The following TUBGCP2 variants were observed in gnomAD, a reference collection of about 807,000 sequenced individuals.
TUBGCP2 encodes gamma-tubulin complex component 2.
A neutral mutation model predicts 92.2 loss-of-function variants in TUBGCP2; 55 were observed. The ratio of observed to expected loss-of-function variants is 0.60; its 90% confidence interval spans 0.48 to 0.75. The LOEUF (loss-of-function observed/expected upper bound fraction) is 0.75. TUBGCP2 is among the 30% of genes least tolerant of loss of function. TUBGCP2 has a pLI of 0.00. For synonymous variants in TUBGCP2, 533 were observed against 505.2 expected, an observed-to-expected ratio of 1.06 and a Z score of -0.74; for missense variants, 1,093 against 1,188.9, an observed-to-expected ratio of 0.92 and a Z score of 1.19.
chr10:133,288,937 GCTCTT>G lies in TUBGCP2; in HGVS notation c.1439_1443del (p.Lys480ThrfsTer12). ...TTCTCGATCTGCTCCACATACGCCC[GCTCTT>G]TTAACGTGTAGATGATCTCTTTAGC... On this transcript the variant is annotated frameshift_variant, in exon 10 of 18. Transcript: ENST00000252936. LOFTEE classifies it high-confidence loss of function. The G allele has an allele frequency of 6.2e-7, 1 of 1,614,208 alleles. No homozygotes were observed. The highest frequency in any genetic ancestry group is 8.5e-7 in the Non-Finnish European group (1 of 1,180,028).
At chr10:133,290,147 C>A (rs1847246683) in intron 8 of TUBGCP2, 178 bp from the exon 9 acceptor site, 2 of 884,562 alleles carry the variant, frequency 2.3e-6, no homozygotes, top group Non-Finnish European at 3.3e-6. Context: ...CTAAAACGAA[C>A]CTAGGGGCCG....
chr10:133,290,014 C>T (rs376761355), intron 8 of TUBGCP2, 45 bp from the exon 9 acceptor site: 2 of 1,598,500 alleles, frequency 1.3e-6, no homozygotes, highest in East Asian at 2.3e-5. Context: ...AGCAAGGGCG[C>T]CTGAGGCAGG....
At chr10:133,299,654 C>T (rs1847588027) in intron 3 of TUBGCP2, 51 bp from the exon 4 acceptor site, 3 of 1,506,518 alleles carry the variant, frequency 2.0e-6, no homozygotes, top group Non-Finnish European at 2.7e-6. Flanking sequence ...CCTCTTTGGC[C>T]ATAGGGGGAG....
rs1280104041 is a variant in TUBGCP2, at chr10:133,292,664, C to T, written c.1049G>A (p.Cys350Tyr). 1.9e-6 allele frequency: 3 copies of T among 1,613,798 alleles called. No individual in the cohort carries two copies. Among genetic ancestry groups the T allele is most frequent in the African/African-American group, 1.3e-5 (1 of 74,920 alleles). ...SLATSVDKGE[C>Y]LGGSTLSLLH... Reference sequence around the variant, plus strand: ...CAGGCTCAGCGTGGACCCCCCAAGACATTCGCCTTTGTCCACCGAGGTGGC... The same window carrying T: ...CAGGCTCAGCGTGGACCCCCCAAGATATTCGCCTTTGTCCACCGAGGTGGC... The change falls in exon 8 of 18, where the codon TGT becomes TAT. Residue 350 changes from cysteine (C) to tyrosine (Y), a missense_variant. By Grantham distance (194) the Cys-to-Tyr change is radical. Transcript: ENST00000252936.
chr10:133,292,601 T>C lies in TUBGCP2; in HGVS notation c.1112A>G (p.Gln371Arg), dbSNP rs751351983. ...DRSFSYTGDS[Q>R]AQELCLYLTK... ...TAGGTACAGGCATAGCTCCTGCGCC[T>C]GGCTGTCCCCTGTGTAGCTGAAGCT... The change falls in exon 8 of 18, where the codon CAG (glutamine) becomes CGG (arginine). Residue 371 changes from glutamine to arginine, a missense_variant. Physicochemically the swap from Gln to Arg is conservative, Grantham distance 43. Coordinates refer to ENST00000252936, the MANE Select transcript of TUBGCP2 (RefSeq NM_006659.4). 1 of 1,614,202 alleles carries C rather than the reference T, an allele frequency of 6.2e-7. No homozygotes were observed.
In TUBGCP2 at chr10:133,293,628, T is replaced by TC; in HGVS notation, c.757dup (p.Asp253GlyfsTer26). 1.9e-6 allele frequency: 3 copies of TC among 1,572,116 alleles called. No homozygotes were observed. Among genetic ancestry groups the TC allele is most frequent in the Non-Finnish European group, 2.6e-6 (3 of 1,159,004 alleles). On this transcript the variant is annotated frameshift_variant, in exon 6 of 18. Transcript: ENST00000252936. LOFTEE classifies it high-confidence loss of function. ...GTGCACCAGCTCCCTGATGGACAGG[T>TC]CCAGGTTGGGGTCCACGAGGAAGGT... is the stretch of plus-strand genomic sequence containing the variant.
At chr10:133,303,034 AT>A in intron 1 of TUBGCP2, 54 bp from the exon 2 acceptor site, 1 of 1,530,316 alleles carries the variant, frequency 6.5e-7, no homozygotes, top group Non-Finnish European at 9.0e-7. Context: ...AATAAAAAAC[AT>A]TTTTTTAAAC....
At chr10:133,282,948 C>T in intron 15 of TUBGCP2, 130 bp downstream of exon 15, 1 of 1,308,900 alleles carries the variant, frequency 7.6e-7, no homozygotes, top group Non-Finnish European at 1.0e-6. Context: ...TCTGGAAACA[C>T]TCAGATCCCA....
At chr10:133,303,481 G>A (rs1195257604) in intron 1 of TUBGCP2, among the ~76,000 whole-genome samples, 1 of 152,242 alleles carries the variant, frequency 6.6e-6, no homozygotes, top group African/African-American at 2.4e-5. Flanking sequence ...AGCAGGGAAT[G>A]CTCTGCTGCT....
In TUBGCP2 at chr10:133,293,546, C is replaced by T. The variant is rs917838545; in HGVS notation, c.824+16G>A. ...CACAACAGCGCAGGCTCCCAGGGAC[C>T]GCGCCCGGTGCCCACCTGGTCACAG... is the stretch of plus-strand genomic sequence containing the variant. On this transcript the variant is annotated intron_variant, in intron 6 of 17. Transcript: ENST00000252936. 2.6e-5 allele frequency: 40 copies of T among 1,549,618 alleles called. No individual in the cohort carries two copies. The highest frequency in any genetic ancestry group is 3.1e-5 in the Non-Finnish European group (36 of 1,146,314).
At chr10:133,293,971 G>A (rs1477352417) in intron 5 of TUBGCP2, among the ~76,000 whole-genome samples, 1 of 152,244 alleles carries the variant, frequency 6.6e-6, no homozygotes, top group Non-Finnish European at 1.5e-5. Context: ...GCCGGCCTGG[G>A]AGGCGTGGTG....
At position 133,283,088 on chromosome 10, in the gene TUBGCP2, TTGG is replaced by T; in HGVS notation, c.2276_2278del (p.Thr759del). 1 of 1,614,032 alleles carries T rather than the reference TTGG, an allele frequency of 6.2e-7. No individual in the cohort carries two copies. The highest frequency in any genetic ancestry group is 8.5e-7 in the Non-Finnish European group (1 of 1,179,966). ...CCCACACCCACGCACCTGCATGCAG[TTGG>T]TGAACATGACGCACACAGACATGAG... On this transcript the variant is annotated inframe_deletion, in exon 15 of 18. Coordinates refer to ENST00000252936, the MANE Select transcript of TUBGCP2 (RefSeq NM_006659.4).
intron 6 of TUBGCP2, 35 bp from the exon 7 acceptor site, chr10:133,293,273 C>G: frequency 1.9e-6 from 3 of 1,606,368 alleles, no homozygotes; most frequent in Non-Finnish European, 2.6e-6. Flanking sequence ...CTCAAAAAGG[C>G]AAGCTGCAGG....
intron 10 of TUBGCP2, 66 bp from the exon 11 acceptor site, chr10:133,288,375 C>T (rs1847186631): frequency 1.9e-6 from 3 of 1,562,702 alleles, no homozygotes; most frequent in South Asian, 2.3e-5. Context: ...AGGGAGCAGG[C>T]GTGAGCACGT....
In TUBGCP2 at chr10:133,279,501, T is replaced by G; in HGVS notation, c.*265A>C. 2.0e-6 allele frequency: 1 copy of G among 497,354 alleles called. No individual in the cohort carries two copies. Among genetic ancestry groups the G allele is most frequent in the East Asian group, 3.8e-5 (1 of 25,994 alleles). 30.8% of individuals were successfully genotyped at this position (497,354 alleles called of 1,614,324 possible). A position where few individuals can be genotyped will look rare whatever the true frequency, so the allele number is the denominator to read the frequency against. Reference sequence around the variant, plus strand: ...GGCTTAAACACCATGTATTTCCACTTTGAGGCCAAAAACACCCAAAAAGGT... The same window carrying G: ...GGCTTAAACACCATGTATTTCCACTGTGAGGCCAAAAACACCCAAAAAGGT... On this transcript the variant is annotated 3_prime_UTR_variant, in exon 18 of 18. Coordinates refer to ENST00000252936, the MANE Select transcript of TUBGCP2 (RefSeq NM_006659.4).
At position 133,300,247 on chromosome 10, in the gene TUBGCP2, AAACT is replaced by A. The variant is rs1386722258; in HGVS notation, c.151-138_151-135del. 8.8e-6 allele frequency: 9 copies of A among 1,021,492 alleles called. No homozygotes were observed. In the African/African-American group the frequency reaches 1.3e-4, roughly 15 times the overall value. The allele number at this position is 1,021,492 out of a possible 1,614,324, so 63.3% of individuals were successfully genotyped here. A position where few individuals can be genotyped will look rare whatever the true frequency, so the allele number is the denominator to read the frequency against. ...GGTTAAATAATTATCCCTCTGAAAT[AAACT>A]AACAAAACTCATCTCCATATTGTGT... On this transcript the variant is annotated intron_variant, in intron 2 of 17. Coordinates refer to ENST00000252936, the MANE Select transcript of TUBGCP2 (RefSeq NM_006659.4).
chr10:133,292,990 C>G (rs74322747), intron 7 of TUBGCP2, 49 bp downstream of exon 7: 1 of 1,589,856 alleles, frequency 6.3e-7, no homozygotes, highest in South Asian at 1.1e-5. Context: ...GTGCCATGTT[C>G]AACACCTGCC....
chr10:133,298,670 C>T (rs1299191020), intron 4 of TUBGCP2, among the ~76,000 whole-genome samples: 2 of 152,280 alleles, frequency 1.3e-5, no homozygotes, highest in Non-Finnish European at 2.9e-5. Context: ...CTTTCGGAAG[C>T]ACTGACTCCC....
At chr10:133,299,905 C>G (rs989153338) in intron 3 of TUBGCP2, 80 bp downstream of exon 3, 2 of 1,550,646 alleles carry the variant, frequency 1.3e-6, no homozygotes, top group Admixed American at 3.7e-5. Context: ...AGGAAGATGG[C>G]GTGGAGTGAG....
Sources: gnomAD v4.1 joint callset for allele counts (sites outside exome capture counted in the v4.1 genomes callset) on GRCh38, gnomAD v4.1.1 for gene constraint, MANE v1.5 for transcripts, NCBI Gene and HGNC (gene_info 2026-07-23, HGNC 2026-07-21) for gene names.